Variants in TANC1 observed in about 807,000 individuals in gnomAD.
TANC1 encodes protein TANC1.
Under a neutral mutation model 149.7 loss-of-function variants are expected in TANC1, and 77 were observed. The observed-to-expected ratio is 0.51, with a 90% CI of 0.43 to 0.62. TANC1 has a LOEUF of 0.62. Among genes scored for constraint, TANC1 ranks in the 20% least tolerant of loss-of-function variants. The pLI is 0.00. For synonymous variants in TANC1, 854 were observed against 925.0 expected (o/e 0.92, Z 1.39); for missense variants, 1,985 against 2,321.8 (o/e 0.85, Z 2.98).
At chr2:159,084,017 C>T (rs1032732469) in intron 3 of TANC1, among the ~76,000 whole-genome samples, 3 of 152,110 alleles carry the variant, frequency 2.0e-5, no homozygotes, top group Admixed American at 6.5e-5. Flanking sequence ...TTTGGGAGGC[C>T]GAGGCGGGCG....
At chr2:159,213,875 C>T (rs191259496) in intron 19 of TANC1, among the ~76,000 whole-genome samples, 46 of 152,240 alleles carry the variant, frequency 3.0e-4, no homozygotes, top group African/African-American at 8.7e-4. Flanking sequence ...CCTGTAATCC[C>T]AGCACTTTGG....
chr2:158,987,213 CA>C lies in TANC1; in HGVS notation c.-125-13848del, dbSNP rs34300029. On this transcript the variant is annotated intron_variant, in intron 1 of 26. Transcript: ENST00000263635. ...TGGGTGACAGAGCAAGACTCATCTC[CA>C]AAAAAAAAAAAAAAAAAAGAGTCAC... Among the ~76,000 whole-genome samples, 310 of 76,046 alleles carry C rather than the reference CA, an allele frequency of 4.1e-3. 2 individuals carry two copies. Among genetic ancestry groups the C allele is most frequent in the African/African-American group, 0.014 (230 of 16,584 alleles). 49.9% of individuals were successfully genotyped at this position (76,046 alleles called of 152,430 possible). A position where few individuals can be genotyped will look rare whatever the true frequency, so the allele number is the denominator to read the frequency against.
chr2:159,167,159 G>A (rs1281291877), intron 8 of TANC1, among the ~76,000 whole-genome samples: 1 of 151,648 alleles, frequency 6.6e-6, no homozygotes, highest in Non-Finnish European at 1.5e-5. Context: ...AGGCTCTAAA[G>A]CATCTTTTTA....
chr2:159,192,132 G>GT (rs1462867964), intron 16 of TANC1, among the ~76,000 whole-genome samples: 1 of 152,158 alleles, frequency 6.6e-6, no homozygotes. Flanking sequence ...AGATTACTAA[G>GT]TGGGGGATAT....
intron 5 of TANC1, among the ~76,000 whole-genome samples, chr2:159,141,011 A>C (rs1415625791): frequency 6.6e-6 from 1 of 152,200 alleles, no homozygotes; most frequent in Non-Finnish European, 1.5e-5. Context: ...GATTCTGAGC[A>C]TGGAAAGACT....
chr2:158,989,702 G>A (rs537398227), intron 1 of TANC1, among the ~76,000 whole-genome samples: 37 of 151,428 alleles, frequency 2.4e-4, no homozygotes, highest in African/African-American at 8.2e-4. Flanking sequence ...GGAGACTGTC[G>A]TGCCCTTAGA....
rs192869218 is a variant in TANC1, at chr2:159,041,693, G to A, written c.-15-24203G>A. On this transcript the variant is annotated intron_variant, in intron 2 of 26. Coordinates refer to ENST00000263635, the MANE Select transcript of TANC1 (RefSeq NM_033394.3). ...CGATTTTCCAGGTACAGTCTGCCACGGCTTCCCTTGGCTAGGAAAGGGAAT... is the reference window on the plus strand; with the variant it reads ...CGATTTTCCAGGTACAGTCTGCCACAGCTTCCCTTGGCTAGGAAAGGGAAT... Among the ~76,000 whole-genome samples the A allele has an allele frequency of 5.5e-4, 84 of 152,286 alleles. 2 individuals carry two copies. The East Asian group carries it at 0.015, about 27-fold the overall frequency.
intron 2 of TANC1, among the ~76,000 whole-genome samples, chr2:159,046,745 C>T (rs1018572802): frequency 2.3e-4 from 34 of 151,110 alleles, no homozygotes; most frequent in Non-Finnish European, 4.0e-4. Context: ...GGAGTACAGG[C>T]GCGAGGCACC....
At chr2:159,084,606 T>C (rs918787015) in intron 3 of TANC1, among the ~76,000 whole-genome samples, 1 of 152,092 alleles carries the variant, frequency 6.6e-6, no homozygotes. Flanking sequence ...TGGATTTGAG[T>C]AGTTAGTGAG....
intron 2 of TANC1, among the ~76,000 whole-genome samples, chr2:159,052,906 A>G (rs1030434511): frequency 6.6e-6 from 1 of 152,230 alleles, no homozygotes; most frequent in African/African-American, 2.4e-5. Context: ...ACTTTAGTGT[A>G]TCAGGTTTGC....
chr2:159,140,149 G>A (rs1388483019), intron 5 of TANC1, among the ~76,000 whole-genome samples: 5 of 151,832 alleles, frequency 3.3e-5, no homozygotes, highest in African/African-American at 1.2e-4. Flanking sequence ...TTTAGCCAGG[G>A]AGGTGGAAGC....
intron 7 of TANC1, among the ~76,000 whole-genome samples, chr2:159,156,667 C>T (rs1425942664): frequency 6.6e-6 from 1 of 152,062 alleles, no homozygotes; most frequent in South Asian, 2.1e-4. Flanking sequence ...ATGCTGTGGG[C>T]GCATAATGAT....
chr2:159,150,540 G>A lies in TANC1; in HGVS notation c.666G>A (p.Lys222=). 6.2e-7 allele frequency: 1 copy of A among 1,613,740 alleles called. No homozygotes were observed. The highest frequency in any genetic ancestry group is 2.2e-5 in the East Asian group (1 of 44,874). Residue 222 remains lysine (K), a synonymous_variant, in exon 7 of 27, where the codon AAG becomes AAA. Transcript: ENST00000263635. ...GCCCTAGTTCCACCCTGGAAAGCAAGGACAGTGGAATTATAGGTAAGAAGC... is the reference window on the plus strand; with the variant it reads ...GCCCTAGTTCCACCCTGGAAAGCAAAGACAGTGGAATTATAGGTAAGAAGC... ...ISSPSSTLES[K]DSGIIATITS... is the part of the protein sequence containing the mutation.
At position 159,210,467 on chromosome 2, in the gene TANC1, A is replaced by T. The variant is rs576282446; in HGVS notation, c.3245-7030A>T. On this transcript the variant is annotated intron_variant, in intron 19 of 26. Transcript: ENST00000263635. ...AAATCTTTTCCCAGAGAACTTTAATATATAAGAGATTCCTGCAAACCATCC... is the reference window on the plus strand; with the variant it reads ...AAATCTTTTCCCAGAGAACTTTAATTTATAAGAGATTCCTGCAAACCATCC... Among the ~76,000 whole-genome samples, 42 of 152,326 alleles carry T rather than the reference A, an allele frequency of 2.8e-4. No homozygotes were observed. In the East Asian group the frequency reaches 7.7e-3, roughly 28 times the overall value.
intron 1 of TANC1, among the ~76,000 whole-genome samples, chr2:158,976,857 G>A (rs1039668738): frequency 3.3e-5 from 5 of 152,058 alleles, no homozygotes; most frequent in African/African-American, 4.8e-5. Flanking sequence ...CTCTAGCCTC[G>A]GCGGCAGAAT....
At chr2:159,187,139 C>A in intron 16 of TANC1, 115 bp downstream of exon 16, 1 of 1,243,566 alleles carries the variant, frequency 8.0e-7, no homozygotes. Context: ...CGCAGAGGAG[C>A]TTCTAAAGAT....
Position 159,150,312 on chromosome 2 carries a change from C to T in TANC1, c.496-58C>T, listed in dbSNP as rs991573243. On this transcript the variant is annotated intron_variant, in intron 6 of 26. Coordinates refer to ENST00000263635, the MANE Select transcript of TANC1 (RefSeq NM_033394.3). ...TATTGTTTTAGCACAAAAACAAAAG[C>T]ATGTGTCGAAGCATCCTGTGTAAGC... The T allele has an allele frequency of 9.3e-6, 13 of 1,404,478 alleles. No homozygotes were observed. In the African/African-American group the frequency reaches 1.7e-4, roughly 19 times the overall value. 87.0% of individuals were successfully genotyped at this position (1,404,478 alleles called of 1,614,324 possible). A position where few individuals can be genotyped will look rare whatever the true frequency, so the allele number is the denominator to read the frequency against.
In TANC1 at chr2:159,186,990, C is replaced by A. The variant is rs1475671059; in HGVS notation, c.2708C>A (p.Ala903Asp). Residue 903 changes from alanine to aspartate, a missense_variant, in exon 16 of 27, where the codon GCC (alanine) becomes GAC (aspartate). Around this residue, in one of 3 missense-constraint regions of TANC1, gnomAD observed 508 missense variants for 714.2 expected, o/e 0.71. Transcript: ENST00000263635. ...ACCGAGGGGCTGTCCGCCGCCCTGG[C>A]CTCTCTCAGGAATCTCTATACTCCC... is the stretch of plus-strand genomic sequence containing the variant. ...YSTEGLSAAL[A>D]SLRNLYTPNV... 1 of 1,614,204 alleles carries A rather than the reference C, an allele frequency of 6.2e-7. No individual in the cohort carries two copies. The highest frequency in any genetic ancestry group is 1.1e-5 in the South Asian group (1 of 91,078).
chr2:159,229,817 C>T lies in TANC1; in HGVS notation c.4391C>T (p.Thr1464Ile), dbSNP rs2060240468. 1 of 1,614,176 alleles carries T rather than the reference C, an allele frequency of 6.2e-7. No homozygotes were observed. Among genetic ancestry groups the T allele is most frequent in the South Asian group, 1.1e-5 (1 of 91,078 alleles). Residue 1464 changes from threonine (T) to isoleucine (I), a missense_variant, in exon 27 of 27, where the codon ACT becomes ATT. By Grantham distance (89) the Thr-to-Ile change is moderately conservative. Transcript: ENST00000263635. ...TCTGAGGAGACTGAAGAGGAAGAAA[C>T]TTCTCCCCAGGAAGAATCTGTTTCC... ...FHSEETEEEE[T>I]SPQEESVSPT... is the part of the protein sequence containing the mutation.
Sources: gnomAD v4.1 joint callset for allele counts (sites outside exome capture counted in the v4.1 genomes callset) on GRCh38, gnomAD v4.1.1 for gene constraint, gnomAD v4.1.1 regional missense constraint, MANE v1.5 for transcripts, NCBI Gene and HGNC (gene_info 2026-07-23, HGNC 2026-07-21) for gene names.